Variants in EPS8L2 observed in about 807,000 individuals in gnomAD.
EPS8L2 encodes epidermal growth factor receptor kinase substrate 8-like protein 2.
Under a neutral mutation model 99.4 loss-of-function variants are expected in EPS8L2, and 81 were observed. The ratio of observed to expected loss-of-function variants is 0.82; its 90% CI spans 0.68 to 0.98. The LOEUF (loss-of-function observed/expected upper bound fraction) is 0.98. EPS8L2 is among the 50% of genes least tolerant of loss of function. The pLI, the probability that EPS8L2 is intolerant of heterozygous loss-of-function variation, is 0.00. For missense variants in EPS8L2, 1,155 were observed against 968.8 expected (o/e 1.19, Z -2.55); for synonymous variants, 509 against 407.3 (o/e 1.25, Z -3.01).
chr11:710,940 G>T (rs975867080), intron 4 of EPS8L2, among the ~76,000 whole-genome samples: 2 of 152,206 alleles, frequency 1.3e-5, no homozygotes, highest in Non-Finnish European at 2.9e-5. Flanking sequence ...CGCGGCCTGG[G>T]GGGTGAGGCA....
Position 724,664 on chromosome 11 carries a change from G to A in EPS8L2, c.1455-60G>A, listed in dbSNP as rs1175021624. 106 of 1,232,374 alleles carry A rather than the reference G, an allele frequency of 8.6e-5. No individual in the cohort carries two copies. In the East Asian group the frequency reaches 2.3e-3, roughly 27 times the overall value. 76.3% of individuals were successfully genotyped at this position (1,232,374 alleles called of 1,614,324 possible). ...GGGAAGCTGCTGCCCCCCAGCCACT[G>A]CCCAGGTCTCAGAGGAGACCCCCAC... On this transcript the variant is annotated intron_variant, in intron 15 of 20. Transcript: ENST00000318562. This position sits in a 1 kb window ranked among gnomAD's most constrained non-coding sequence, Gnocchi z 5.5.
chr11:721,517 G>T, intron 9 of EPS8L2, 48 bp from the exon 10 acceptor site: 1 of 1,521,608 alleles, frequency 6.6e-7, no homozygotes, highest in South Asian at 1.3e-5. Flanking sequence ...AGCAAGGCGG[G>T]GCGGTGGGGA....
intron 7 of EPS8L2, 34 bp downstream of exon 7, chr11:720,943 C>CGGGGAGGGGAGGAGCCCGGCT: frequency 8.0e-6 from 4 of 502,464 alleles, no homozygotes; most frequent in Non-Finnish European, 1.1e-5. Context: ...TCGCAGGGGG[C>CGGGGAGGGGAGGAGCCCGGCT]GGGGAGGGGA....
chr11:723,827 G>A (rs944457562), intron 15 of EPS8L2, among the ~76,000 whole-genome samples: 6 of 145,392 alleles, frequency 4.1e-5, no homozygotes, highest in Admixed American at 6.8e-5. Flanking sequence ...GGGGAGTCCC[G>A]TCTTTCCTTG....
intron 20 of EPS8L2, 22 bp from the exon 21 acceptor site, chr11:726,879 T>A (rs1432635062): frequency 6.2e-7 from 1 of 1,608,742 alleles, no homozygotes; most frequent in Non-Finnish European, 8.5e-7. Context: ...CGGCTGAGGA[T>A]GCCCCCATTT....
chr11:723,403 C>G (rs754560203), intron 15 of EPS8L2, 50 bp downstream of exon 15: 1 of 810,700 alleles, frequency 1.2e-6, no homozygotes, highest in East Asian at 2.9e-5. Flanking sequence ...CCTTCAGAAC[C>G]TACAGTCTCT....
chr11:726,966 G>A lies in EPS8L2; in HGVS notation c.2133G>A (p.Arg711=), dbSNP rs202059125. 4.1e-5 allele frequency: 66 copies of A among 1,613,106 alleles called. No individual in the cohort carries two copies. Among genetic ancestry groups the A allele is most frequent in the Non-Finnish European group, 5.0e-5 (59 of 1,179,794 alleles). Residue 711 remains arginine, a synonymous_variant, in exon 21 of 21, where the codon AGG becomes AGA. Transcript: ENST00000318562. ...MNKFHSMNQR[R]GEDS ...AGTTTCATTCCATGAATCAGAGGAG[G>A]GGGGAGGACAGCTAGGCCCAGCTGC...
chr11:714,241 T>C (rs551118039), intron 4 of EPS8L2, among the ~76,000 whole-genome samples: 1 of 151,724 alleles, frequency 6.6e-6, no homozygotes, highest in East Asian at 1.9e-4. Flanking sequence ...TTTTTCTTTT[T>C]TTTTTTGAGG....
In EPS8L2 at chr11:724,313, T is replaced by C. The variant is rs540217388; in HGVS notation, c.1455-411T>C. Among the ~76,000 whole-genome samples, 4 of 151,952 alleles carry C rather than the reference T, an allele frequency of 2.6e-5. No individual in the cohort carries two copies. In the East Asian group the frequency reaches 7.8e-4, roughly 30 times the overall value. Reference sequence around the variant, plus strand: ...CCTCCACTGGACCATTTGGGCTGTGTTCAGTCCTCAGAGGGGCCACGGCTC... The same window carrying C: ...CCTCCACTGGACCATTTGGGCTGTGCTCAGTCCTCAGAGGGGCCACGGCTC... On this transcript the variant is annotated intron_variant, in intron 15 of 20. Transcript: ENST00000318562. The surrounding 1 kb of genome is among the most constrained non-coding windows in gnomAD (Gnocchi z 5.5).
At chr11:720,937 AG>A (rs2133525250) in intron 7 of EPS8L2, 28 bp downstream of exon 7, 1 of 585,932 alleles carries the variant, frequency 1.7e-6, no homozygotes, top group Non-Finnish European at 2.4e-6. Context: ...GCGGGGTCGC[AG>A]GGGGCGGGGA....
At chr11:725,347 C>CA (rs1862285072) in intron 16 of EPS8L2, among the ~76,000 whole-genome samples, 1 of 152,164 alleles carries the variant, frequency 6.6e-6, no homozygotes. Flanking sequence ...CCCATCTCTA[C>CA]AAAAAACATA....
chr11:708,243 C>T (rs185015509), intron 1 of EPS8L2, among the ~76,000 whole-genome samples: 2 of 152,314 alleles, frequency 1.3e-5, no homozygotes, highest in East Asian at 3.9e-4. Flanking sequence ...AGCCACAGAA[C>T]AGCCAGGTCC....
intron 1 of EPS8L2, chr11:708,695 T>A (rs539007665): frequency 6.6e-6 from 1 of 152,454 alleles, no homozygotes; most frequent in Non-Finnish European, 1.5e-5. Context: ...CCGCACAGCC[T>A]CTTCCCTGCC....
intron 4 of EPS8L2, among the ~76,000 whole-genome samples, chr11:719,219 G>A (rs1343641177): frequency 2.6e-5 from 4 of 152,160 alleles, no homozygotes; most frequent in South Asian, 2.1e-4. Context: ...CACCCGCCTC[G>A]GCCTCCCGCA....
chr11:712,816 C>T (rs1050123336), intron 4 of EPS8L2, among the ~76,000 whole-genome samples: 7 of 152,236 alleles, frequency 4.6e-5, no homozygotes, highest in Non-Finnish European at 7.3e-5. Flanking sequence ...CTAGACCCTG[C>T]ATACAGCCAG....
chr11:724,007 G>A lies in EPS8L2; in HGVS notation c.1454+654G>A, dbSNP rs533732354. On this transcript the variant is annotated intron_variant, in intron 15 of 20. Transcript: ENST00000318562. The surrounding 1 kb of genome is among the most constrained non-coding windows in gnomAD (Gnocchi z 5.5). ...TGTCAGCCTGGCTCCCGTGGTCCCT[G>A]GCCTAGGACCACACTTAAAAACATT... 6.6e-6 allele frequency among the ~76,000 whole-genome samples: 1 copy of A among 152,254 alleles called. No homozygotes were observed. Among genetic ancestry groups the A allele is most frequent in the East Asian group, 1.9e-4 (1 of 5,178 alleles).
chr11:727,055 G>T lies in EPS8L2; in HGVS notation c.*74G>T. The T allele has an allele frequency of 9.4e-7, 1 of 1,067,190 alleles. No individual in the cohort carries two copies. Among genetic ancestry groups the T allele is most frequent in the Non-Finnish European group, 1.4e-6 (1 of 713,218 alleles). The allele number at this position is 1,067,190 out of a possible 1,614,324, so 66.1% of individuals were successfully genotyped here. A position where few individuals can be genotyped will look rare whatever the true frequency, so the allele number is the denominator to read the frequency against. ...TGCATGGAGTATTATTTTTATATGT[G>T]TATGTATTTTGTATCAAGGACACGG... On this transcript the variant is annotated 3_prime_UTR_variant, in exon 21 of 21. Coordinates refer to ENST00000318562, the MANE Select transcript of EPS8L2 (RefSeq NM_022772.4).
At chr11:723,218 C>T in intron 14 of EPS8L2, 23 bp from the exon 15 acceptor site, 1 of 1,441,758 alleles carries the variant, frequency 6.9e-7, no homozygotes, top group Non-Finnish European at 9.6e-7. Flanking sequence ...ATGTCTAACT[C>T]AGGTCGCCCA....
chr11:727,200 G>GCTTGGTGGTGCCAGCCC lies in EPS8L2; in HGVS notation c.*224_*240dup, dbSNP rs145863912. The GCTTGGTGGTGCCAGCCC allele has an allele frequency of 0.082, 38,757 of 470,270 alleles. 2,593 individuals carry two copies. The highest frequency in any genetic ancestry group is 0.23 in the African/African-American group (11,376 of 48,818). The allele number at this position is 470,270 out of a possible 1,614,324, so 29.1% of individuals were successfully genotyped here. ...AAGACTAATCTCAGCCAAACCTGCTGCTTGGTGGTGCCAGCCCCTTGTCCA... is the reference window on the plus strand; with the variant it reads ...AAGACTAATCTCAGCCAAACCTGCTGCTTGGTGGTGCCAGCCCCTTGGTGGTGCCAGCCCCTTGTCCA... On this transcript the variant is annotated 3_prime_UTR_variant, in exon 21 of 21. Coordinates refer to ENST00000318562, the MANE Select transcript of EPS8L2 (RefSeq NM_022772.4).
Sources: gnomAD v4.1 joint callset for allele counts (sites outside exome capture counted in the v4.1 genomes callset) on GRCh38, gnomAD v4.1.1 for gene constraint, Gnocchi (gnomAD v3.1) non-coding constraint, MANE v1.5 for transcripts, NCBI Gene and HGNC (gene_info 2026-07-23, HGNC 2026-07-21) for gene names.